Variants in CYB5R3 observed in about 807,000 individuals in gnomAD.
CYB5R3 encodes NADH-cytochrome b5 reductase 3.
Under a neutral mutation model 36.5 loss-of-function variants are expected in CYB5R3, and 28 were observed. That is an observed-to-expected ratio of 0.77 (90% CI 0.57 to 1.05). The LOEUF (loss-of-function observed/expected upper bound fraction) is 1.05, where lower values mean the gene tolerates loss of function less well. CYB5R3 is among the 50% of genes least tolerant of loss of function. The pLI is 0.00. For missense variants in CYB5R3, 474 were observed against 408.9 expected (o/e 1.16, Z -1.37); for synonymous variants, 181 against 159.8 (o/e 1.13, Z -1.00).
rs1010180398 is a variant in CYB5R3 at position 42,622,295 on chromosome 22, C to T, written c.733+1494G>A. Among the ~76,000 whole-genome samples the T allele has an allele frequency of 4.6e-5, 7 of 152,158 alleles. No individual in the cohort carries two copies. In the East Asian group the frequency reaches 7.7e-4, roughly 17 times the overall value. On this transcript the variant is annotated intron_variant, in intron 8 of 8. Coordinates refer to ENST00000352397, the MANE Select transcript of CYB5R3 (RefSeq NM_000398.7). ...TGCCCTGGCTGACCTCCGCTCCAGC[C>T]GCTGCCTGGCTCTGCTTGGCCCCCC... is the stretch of plus-strand genomic sequence containing the variant.
At chr22:42,647,988 A>C (rs547922988) in intron 1 of CYB5R3, among the ~76,000 whole-genome samples, 2 of 152,304 alleles carry the variant, frequency 1.3e-5, no homozygotes, top group South Asian at 4.1e-4. Context: ...TTGGGTGGAG[A>C]CCAGGGGAAG....
Position 42,627,389 on chromosome 22 carries a change from C to G in CYB5R3, c.548G>C (p.Gly183Ala), listed in dbSNP as rs1485995840. 1 of 1,613,560 alleles carries G rather than the reference C, an allele frequency of 6.2e-7. No individual in the cohort carries two copies. The highest frequency in any genetic ancestry group is 2.2e-5 in the East Asian group (1 of 44,874). Reference sequence around the variant, plus strand: ...GATCACCTGCAGCATCGGGGTGATGCCTGCAAAATAGCCGGCCGGGCCTCG... The same window carrying G: ...GATCACCTGCAGCATCGGGGTGATGGCTGCAAAATAGCCGGCCGGGCCTCG... ...KSVGMIAGGT[G>A]ITPMLQVIRA... The change falls in exon 7 of 9, where the codon GGC becomes GCC. Residue 183 changes from glycine to alanine, a missense_variant and splice_region_variant. By Grantham distance (60) the Gly-to-Ala change is moderately conservative. Transcript: ENST00000352397.
At chr22:42,622,827 G>A (rs532870461) in intron 8 of CYB5R3, among the ~76,000 whole-genome samples, 68 of 152,360 alleles carry the variant, frequency 4.5e-4, no homozygotes, top group Non-Finnish European at 2.4e-4. Flanking sequence ...AGGAGGTGCC[G>A]GAGGCAAAGC....
At chr22:42,641,696 G>T (rs1239852033) in intron 1 of CYB5R3, among the ~76,000 whole-genome samples, 1 of 152,186 alleles carries the variant, frequency 6.6e-6, no homozygotes, top group Admixed American at 6.5e-5. Flanking sequence ...ATGTTGGCCA[G>T]GCTGGTCTCG....
At chr22:42,640,211 A>C (rs1412913037) in intron 1 of CYB5R3, 4 of 1,602,994 alleles carry the variant, frequency 2.5e-6, no homozygotes, top group Admixed American at 3.4e-5. Flanking sequence ...GGCTTCAAGT[A>C]AGTCACAGCA....
intron 4 of CYB5R3, 139 bp from the exon 5 acceptor site, chr22:42,628,420 C>G (rs928714768): frequency 5.4e-6 from 6 of 1,110,146 alleles, no homozygotes; most frequent in Non-Finnish European, 8.0e-6. Context: ...GCCCCATCCA[C>G]CCAGCCGTCA....
chr22:42,632,853 C>T (rs1309151648), intron 2 of CYB5R3: 1 of 151,950 alleles, frequency 6.6e-6, no homozygotes, highest in Non-Finnish European at 1.5e-5. Flanking sequence ...ATGGAGAAAT[C>T]CCGTCTCTAC....
intron 2 of CYB5R3, chr22:42,632,756 G>C (rs1928685421): frequency 6.6e-6 from 1 of 152,474 alleles, no homozygotes; most frequent in Non-Finnish European, 1.5e-5. Context: ...GCCAGGCGTG[G>C]TGGCTCATGC....
At chr22:42,648,393 A>C (rs914448050) in intron 1 of CYB5R3, among the ~76,000 whole-genome samples, 7 of 152,194 alleles carry the variant, frequency 4.6e-5, no homozygotes, top group African/African-American at 7.2e-5. Flanking sequence ...CAGCCTCCAC[A>C]TGTCCACACA....
Position 42,627,819 on chromosome 22 carries a change from C to T in CYB5R3, c.464-131G>A, listed in dbSNP as rs112633188. The T allele has an allele frequency of 2.5e-3, 1,970 of 774,024 alleles. 25 individuals carry two copies. The African/African-American group carries it at 0.029, about 11-fold the overall frequency. 47.9% of individuals were successfully genotyped at this position (774,024 alleles called of 1,614,324 possible). Reference sequence around the variant, plus strand: ...GGTAGAGGCAGCTGCCATTCTAACGCGAGCCATGAGGAAGGTGCAGGAGCA... The same window carrying T: ...GGTAGAGGCAGCTGCCATTCTAACGTGAGCCATGAGGAAGGTGCAGGAGCA... On this transcript the variant is annotated intron_variant, in intron 5 of 8. Transcript: ENST00000352397.
chr22:42,627,723 A>G lies in CYB5R3; in HGVS notation c.464-35T>C, dbSNP rs753139832. ...GAGAAGGGGTGAGGCCCGGCCATCA[A>G]ACATGCCATGTGTGGTGGCTGGAGA... is the stretch of plus-strand genomic sequence containing the variant. On this transcript the variant is annotated intron_variant, in intron 5 of 8. Coordinates refer to ENST00000352397, the MANE Select transcript of CYB5R3 (RefSeq NM_000398.7). 38 of 1,484,688 alleles carry G rather than the reference A, an allele frequency of 2.6e-5. No homozygotes were observed. The East Asian group carries it at 4.7e-4, about 19-fold the overall frequency. The allele number at this position is 1,484,688 out of a possible 1,614,324, so 92.0% of individuals were successfully genotyped here. A position where few individuals can be genotyped will look rare whatever the true frequency, so the allele number is the denominator to read the frequency against.
rs1927812869 is a variant in CYB5R3, at chr22:42,619,240, C to T, written c.*533G>A. 1 of 157,384 alleles carries T rather than the reference C, an allele frequency of 6.4e-6. No homozygotes were observed. The highest frequency in any genetic ancestry group is 6.0e-5 in the Admixed American group (1 of 16,588). The allele number at this position is 157,384 out of a possible 1,614,324, so 9.7% of individuals were successfully genotyped here. On this transcript the variant is annotated 3_prime_UTR_variant, in exon 9 of 9. Transcript: ENST00000352397. ...GAGCCAAGCTCCCGGCTGGCCAGGGCCCTGGGGTAGGGAGCAGTGCCCCCA... is the reference window on the plus strand; with the variant it reads ...GAGCCAAGCTCCCGGCTGGCCAGGGTCCTGGGGTAGGGAGCAGTGCCCCCA...
intron 2 of CYB5R3, 132 bp from the exon 3 acceptor site, chr22:42,631,582 A>G: frequency 1.2e-6 from 1 of 811,902 alleles, no homozygotes; most frequent in Non-Finnish European, 2.1e-6. Flanking sequence ...TTGTCCTTGT[A>G]AGACGTGACG....
intron 2 of CYB5R3, among the ~76,000 whole-genome samples, chr22:42,636,168 G>T (rs1928878892): frequency 6.6e-6 from 1 of 152,008 alleles, no homozygotes; most frequent in Non-Finnish European, 1.5e-5. Flanking sequence ...AGTGAGCGGA[G>T]ATCGCACCAC....
intron 1 of CYB5R3, chr22:42,640,464 C>T (rs6519328): frequency 0.15 from 49,484 of 319,966 alleles, 5,877 homozygotes; most frequent in East Asian, 0.59. Flanking sequence ...CTGTGACCTC[C>T]GCCTCCCGGG....
intron 2 of CYB5R3, among the ~76,000 whole-genome samples, chr22:42,634,079 C>T (rs1018375879): frequency 6.6e-6 from 1 of 151,846 alleles, no homozygotes; most frequent in Non-Finnish European, 1.5e-5. Context: ...GGGCCAGGCA[C>T]GGTGGCTCAC....
intron 1 of CYB5R3, among the ~76,000 whole-genome samples, chr22:42,647,587 C>G (rs1261089301): frequency 3.5e-5 from 1 of 28,202 alleles, no homozygotes; most frequent in East Asian, 4.7e-3. Flanking sequence ...GGTGTGATGG[C>G]GAGTGCCTGT....
chr22:42,631,620 T>C, intron 2 of CYB5R3, 170 bp from the exon 3 acceptor site: 2 of 674,526 alleles, frequency 3.0e-6, no homozygotes, highest in Non-Finnish European at 5.4e-6. Context: ...TGCACACACA[T>C]GCACGCTGCG....
intron 1 of CYB5R3, among the ~76,000 whole-genome samples, chr22:42,642,733 C>T (rs1011168374): frequency 5.9e-5 from 9 of 152,190 alleles, no homozygotes; most frequent in South Asian, 2.1e-4. Flanking sequence ...CCACCTCGCC[C>T]GGCCAGTAAT....
Sources: gnomAD v4.1 joint callset for allele counts (sites outside exome capture counted in the v4.1 genomes callset) on GRCh38, gnomAD v4.1.1 for gene constraint, MANE v1.5 for transcripts, NCBI Gene and HGNC (gene_info 2026-07-23, HGNC 2026-07-21) for gene names.